DAB2IP: variants seen among roughly 807,000 people sequenced by gnomAD.
DAB2IP encodes the protein DAB2 interacting protein, also known as disabled homolog 2-interacting protein.
Under a neutral mutation model 107.2 loss-of-function variants are expected in DAB2IP, and 28 were observed. The ratio of observed to expected loss-of-function variants is 0.26; its 90% CI spans 0.19 to 0.36. The LOEUF is 0.36. DAB2IP is among the 10% of genes least tolerant of loss of function. DAB2IP has a pLI of 1.00. For synonymous variants in DAB2IP, 755 were observed against 706.4 expected (o/e 1.07, Z -1.09); for missense variants, 1,400 against 1,644.7 (o/e 0.85, Z 2.57).
chr9:121,569,128 C>T (rs370005254), intron 1 of DAB2IP, among the ~76,000 whole-genome samples: 1 of 152,344 alleles, frequency 6.6e-6, no homozygotes, highest in East Asian at 1.9e-4. Flanking sequence ...AGGTCTCCCA[C>T]CCAGCCAGCC....
At chr9:121,713,787 G>T (rs1830455606) in intron 3 of DAB2IP, among the ~76,000 whole-genome samples, 1 of 152,122 alleles carries the variant, frequency 6.6e-6, no homozygotes, top group East Asian at 1.9e-4. Flanking sequence ...CAAAAATCTT[G>T]GGTTATACCA....
chr9:121,712,690 G>A (rs754179491), intron 3 of DAB2IP, among the ~76,000 whole-genome samples: 45 of 152,276 alleles, frequency 3.0e-4, no homozygotes, highest in Middle Eastern at 3.4e-3. Flanking sequence ...GTCTCGCCAC[G>A]CCATGAGTAC....
At chr9:121,781,239 C>T (rs1051450878) in intron 14 of DAB2IP, among the ~76,000 whole-genome samples, 2 of 152,062 alleles carry the variant, frequency 1.3e-5, no homozygotes, top group African/African-American at 4.8e-5. Context: ...TTAGGAGCAG[C>T]GAGTGTGGGA....
chr9:121,761,417 G>C (rs1486346136), intron 6 of DAB2IP, among the ~76,000 whole-genome samples: 2 of 152,218 alleles, frequency 1.3e-5, no homozygotes, highest in African/African-American at 4.8e-5. Context: ...CCTGTGTCAA[G>C]GTCCTAGGCC....
chr9:121,615,569 G>T (rs1042740615), intron 1 of DAB2IP, among the ~76,000 whole-genome samples: 1 of 152,032 alleles, frequency 6.6e-6, no homozygotes, highest in Non-Finnish European at 1.5e-5. Context: ...AGTGTCCAAG[G>T]CTGGGTGGCA....
chr9:121,610,249 G>A (rs746991198), intron 1 of DAB2IP, among the ~76,000 whole-genome samples: 5 of 152,180 alleles, frequency 3.3e-5, no homozygotes, highest in African/African-American at 9.7e-5. Context: ...CCTGGTGTTA[G>A]CATTTGCTCT....
At chr9:121,748,210 G>C (rs184144104) in intron 3 of DAB2IP, among the ~76,000 whole-genome samples, 5 of 152,230 alleles carry the variant, frequency 3.3e-5, no homozygotes, top group African/African-American at 1.2e-4. Flanking sequence ...GCACCTAGAA[G>C]GGGGAGGAAA....
At chr9:121,720,800 C>T (rs1379033538) in intron 3 of DAB2IP, among the ~76,000 whole-genome samples, 1 of 152,192 alleles carries the variant, frequency 6.6e-6, no homozygotes, top group Non-Finnish European at 1.5e-5. Context: ...GGAGCAGGGG[C>T]CTCCTCTTCC....
chr9:121,614,170 G>A (rs1831185669), intron 1 of DAB2IP, among the ~76,000 whole-genome samples: 1 of 152,050 alleles, frequency 6.6e-6, no homozygotes, highest in Non-Finnish European at 1.5e-5. Flanking sequence ...CTGGCACATG[G>A]TAAGCACTGG....
At chr9:121,725,243 A>G (rs1008866690) in intron 3 of DAB2IP, among the ~76,000 whole-genome samples, 1 of 152,120 alleles carries the variant, frequency 6.6e-6, no homozygotes, top group South Asian at 2.1e-4. Context: ...TATTTCTGGG[A>G]GCGATGACTT....
intron 3 of DAB2IP, among the ~76,000 whole-genome samples, chr9:121,705,604 C>A (rs1372623953): frequency 1.3e-5 from 2 of 152,228 alleles, no homozygotes; most frequent in Non-Finnish European, 2.9e-5. Flanking sequence ...CACTCACGTG[C>A]ATACTTGTGT....
intron 3 of DAB2IP, 79 bp from the exon 4 acceptor site, chr9:121,756,934 C>A (rs762299518): frequency 1.2e-5 from 19 of 1,598,210 alleles, no homozygotes; most frequent in Non-Finnish European, 1.5e-5. Flanking sequence ...GGGGCACGGC[C>A]AGGGCAGATG....
intron 2 of DAB2IP, among the ~76,000 whole-genome samples, chr9:121,697,433 C>T (rs1488649475): frequency 2.0e-5 from 3 of 152,220 alleles, no homozygotes; most frequent in Non-Finnish European, 4.4e-5. Flanking sequence ...GCCCCCTCTC[C>T]TATAGCTGGC....
At position 121,621,124 on chromosome 9, in the gene DAB2IP, C is replaced by T. The variant is rs535410275; in HGVS notation, c.40+53896C>T. Among the ~76,000 whole-genome samples, 252 of 152,238 alleles carry T rather than the reference C, an allele frequency of 1.7e-3. 1 individual carries two copies. The highest frequency in any genetic ancestry group is 5.5e-3 in the African/African-American group (228 of 41,548). On this transcript the variant is annotated intron_variant, in intron 1 of 16. Coordinates refer to the DAB2IP transcript ENST00000259371. ...CCTACCTGCAAGTCTGGTGGTTCCCCTTGGGCACCATCTCCTGCACCCCAT... is the reference window on the plus strand; with the variant it reads ...CCTACCTGCAAGTCTGGTGGTTCCCTTTGGGCACCATCTCCTGCACCCCAT...
At chr9:121,785,341 CTT>C (rs1023198107) in exon 16 of DAB2IP, 1 of 152,682 alleles carries the variant, frequency 6.5e-6, no homozygotes, top group African/African-American at 2.4e-5. Context: ...CAGCTCCCCT[CTT>C]TTGTAAGTAT....
intron 1 of DAB2IP, among the ~76,000 whole-genome samples, chr9:121,571,646 T>C (rs1327602508): frequency 4.6e-5 from 7 of 152,098 alleles, no homozygotes; most frequent in Non-Finnish European, 7.3e-5. Flanking sequence ...CCAGTTCTGA[T>C]TGCATCCATC....
At position 121,630,963 on chromosome 9, in the gene DAB2IP, G is replaced by A. The variant is rs187407024; in HGVS notation, c.41-47715G>A. Among the ~76,000 whole-genome samples the A allele has an allele frequency of 2.6e-3, 397 of 152,290 alleles. 5 individuals are homozygous for A. The highest frequency in any genetic ancestry group is 8.9e-3 in the African/African-American group (370 of 41,556). ...GAGGGGGTCCTTAGACCTTACTAGA[G>A]CCCAAAGGGCCCATGGCATCTAAGA... On this transcript the variant is annotated intron_variant, in intron 1 of 16. Transcript: ENST00000259371.
rs1564230985 is a variant in DAB2IP at position 121,776,055 on chromosome 9, T to A, written c.3121-143T>A. The A allele has an allele frequency of 4.1e-6, 4 of 975,676 alleles. No homozygotes were observed. The highest frequency in any genetic ancestry group is 5.9e-6 in the Non-Finnish European group (4 of 674,628). The allele number at this position is 975,676 out of a possible 1,614,324, so 60.4% of individuals were successfully genotyped here. On this transcript the variant is annotated intron_variant, in intron 13 of 15. Transcript: ENST00000408936. The surrounding 1 kb of genome is among the most constrained non-coding windows in gnomAD (Gnocchi z 5.4). Reference sequence around the variant, plus strand: ...CCACCAGCTGGGCTCCTTGGGCATCTCCTTGCTATGTGAAGTGGGCGGGTC... The same window carrying A: ...CCACCAGCTGGGCTCCTTGGGCATCACCTTGCTATGTGAAGTGGGCGGGTC...
In DAB2IP at chr9:121,729,351, A is replaced by G. The variant is rs569824800; in HGVS notation, c.363-27662A>G. The stretch of plus-strand genomic sequence containing the variant: ...TCATTTGCTCCTCTCAGAAACCCCC[A>G]TTTTACCGAAGAGGAAGCTGAGACC... On this transcript the variant is annotated intron_variant, in intron 3 of 15. Coordinates refer to ENST00000408936, the Ensembl canonical transcript of DAB2IP. Among the ~76,000 whole-genome samples, 10 of 152,094 alleles carry G rather than the reference A, an allele frequency of 6.6e-5. No homozygotes were observed. In the East Asian group the frequency reaches 1.9e-3, roughly 29 times the overall value.
Sources: gnomAD v4.1 joint callset for allele counts (sites outside exome capture counted in the v4.1 genomes callset) on GRCh38, gnomAD v4.1.1 for gene constraint, Gnocchi (gnomAD v3.1) non-coding constraint, MANE v1.5 for transcripts, NCBI Gene and HGNC (gene_info 2026-07-23, HGNC 2026-07-21) for gene names.